The following ZFP64 variants were observed in gnomAD, a reference collection of about 807,000 sequenced individuals.
The protein encoded by ZFP64 is zinc finger protein 64.
Under a neutral mutation model 51.6 loss-of-function variants are expected in ZFP64, and 14 were observed. The observed-to-expected ratio is 0.27, with a 90% CI of 0.18 to 0.42. The LOEUF (loss-of-function observed/expected upper bound fraction) is 0.42. Among genes scored for constraint, ZFP64 ranks in the 10% least tolerant of loss-of-function variants. The pLI is 1.00. For missense variants in ZFP64, 754 were observed against 906.8 expected, an observed-to-expected ratio of 0.83 and a Z score of 2.16; for synonymous variants, 375 against 361.4, an observed-to-expected ratio of 1.04 and a Z score of -0.43.
chr20:52,135,097 C>A (rs1455157178), intron 5 of ZFP64, among the ~76,000 whole-genome samples: 1 of 152,044 alleles, frequency 6.6e-6, no homozygotes, highest in East Asian at 1.9e-4. Flanking sequence ...CTCCTGACCT[C>A]AAGTGATCTG....
chr20:52,102,834 A>G (rs576598363), intron 5 of ZFP64, among the ~76,000 whole-genome samples: 2 of 152,304 alleles, frequency 1.3e-5, no homozygotes, highest in South Asian at 4.1e-4. Flanking sequence ...GTTCTTTAGT[A>G]TATGTAAGAG....
chr20:52,150,040 C>T (rs1441349486), downstream of ZFP64, among the ~76,000 whole-genome samples: 1 of 151,972 alleles, frequency 6.6e-6, no homozygotes, highest in Non-Finnish European at 1.5e-5. Context: ...CCTGTCTCTA[C>T]TAAAAATACA....
intron 1 of ZFP64, among the ~76,000 whole-genome samples, chr20:52,190,215 A>G (rs953169536): frequency 6.6e-6 from 1 of 152,214 alleles, no homozygotes; most frequent in Non-Finnish European, 1.5e-5. Flanking sequence ...CCATGGAACT[A>G]ACAAGGAAAC....
chr20:52,129,389 G>A (rs1156600844), intron 5 of ZFP64, among the ~76,000 whole-genome samples: 1 of 151,690 alleles, frequency 6.6e-6, no homozygotes. Flanking sequence ...TAACTCCTGA[G>A]CTCAGGCAGT....
chr20:52,171,823 T>C (rs546786939), intron 2 of ZFP64, among the ~76,000 whole-genome samples: 74 of 151,574 alleles, frequency 4.9e-4, no homozygotes, highest in African/African-American at 1.7e-3. Flanking sequence ...TCTCGGCTCA[T>C]TGCAATCTCT....
At chr20:52,099,251 G>A (rs1324271833) in intron 5 of ZFP64, among the ~76,000 whole-genome samples, 1 of 152,060 alleles carries the variant, frequency 6.6e-6, no homozygotes, top group African/African-American at 2.4e-5. Context: ...TAGGGGAGAG[G>A]TGGAATAAGA....
At chr20:52,097,539 C>T (rs989296450) in intron 6 of ZFP64, 17 of 1,048,542 alleles carry the variant, frequency 1.6e-5, no homozygotes, top group Non-Finnish European at 2.4e-5. Context: ...ACTGCAACCT[C>T]CGCCTCCCGG....
At chr20:52,164,869 T>C (rs1450931258) in intron 3 of ZFP64, 112 bp from the exon 4 acceptor site, 2 of 848,270 alleles carry the variant, frequency 2.4e-6, no homozygotes, top group East Asian at 2.6e-5. Flanking sequence ...ACCACGGTAA[T>C]GGGAAAAAGA....
intron 2 of ZFP64, among the ~76,000 whole-genome samples, chr20:52,177,122 TG>T (rs978609438): frequency 6.6e-6 from 1 of 150,764 alleles, no homozygotes; most frequent in Non-Finnish European, 1.5e-5. Context: ...CTAGTGCCAG[TG>T]GGTTTCCATC....
intron 5 of ZFP64, among the ~76,000 whole-genome samples, chr20:52,126,506 T>C (rs1979452695): frequency 6.6e-6 from 1 of 152,236 alleles, no homozygotes; most frequent in African/African-American, 2.4e-5. Context: ...TGGGTGCGTC[T>C]ATGCTTTCTA....
At chr20:52,093,756 T>C (rs748640915) in intron 7 of ZFP64, among the ~76,000 whole-genome samples, 6 of 152,186 alleles carry the variant, frequency 3.9e-5, no homozygotes, top group Non-Finnish European at 8.8e-5. Flanking sequence ...CTACTGTGCA[T>C]ATTAACCACC....
Position 52,152,687 on chromosome 20 carries a change from C to A in ZFP64, c.1505G>T (p.Gly502Val). 6.5e-7 allele frequency: 1 copy of A among 1,547,528 alleles called. No homozygotes were observed. The change falls in exon 6 of 6, where the codon GGG (glycine) becomes GTG (valine). Residue 502 changes from glycine to valine, a missense_variant. Physicochemically the swap from Gly to Val is moderately radical, Grantham distance 109. Around this residue, in one of 3 missense-constraint regions of ZFP64, gnomAD observed 428 missense variants for 472.4 expected, o/e 0.91. Coordinates refer to ENST00000216923, the MANE Select transcript of ZFP64 (RefSeq NM_018197.3). ...FSEGRVKIIVGHQVPQANTIV... is the reference protein window; with the variant it reads ...FSEGRVKIIVVHQVPQANTIV... ...GGTGTTCGCCTGGGGCACCTGATGC[C>A]CAACGATGATTTTGACTCTTCCCTC...
chr20:52,088,746 C>T, intron 7 of ZFP64: 2 of 1,447,504 alleles, frequency 1.4e-6, no homozygotes, highest in Non-Finnish European at 9.5e-7. Flanking sequence ...CCGCCTCCTC[C>T]TGTCCAAATA....
intron 5 of ZFP64, among the ~76,000 whole-genome samples, chr20:52,140,326 C>A (rs1166072592): frequency 6.6e-6 from 1 of 152,158 alleles, no homozygotes; most frequent in East Asian, 1.9e-4. Flanking sequence ...TGTTGAAAGC[C>A]AAGACAGGCT....
At chr20:52,154,135 C>A (rs1469095827) in intron 5 of ZFP64, among the ~76,000 whole-genome samples, 1 of 152,138 alleles carries the variant, frequency 6.6e-6, no homozygotes, top group Non-Finnish European at 1.5e-5. Flanking sequence ...TCAATGAATG[C>A]CAAGTCCAAA....
At position 52,160,591 on chromosome 20, in the gene ZFP64, G is replaced by A. The variant is rs1254924365; in HGVS notation, c.512-217C>T. On this transcript the variant is annotated intron_variant, in intron 4 of 5. Coordinates refer to ENST00000216923, the MANE Select transcript of ZFP64 (RefSeq NM_018197.3). The surrounding 1 kb of genome is among the most constrained non-coding windows in gnomAD (Gnocchi z 4.2). ...TTGGTATTACTTGAATTTTTAAAAT[G>A]ATGAATATGAATTTCTTATAAATTT... Among the ~76,000 whole-genome samples the A allele has an allele frequency of 1.6e-4, 24 of 152,078 alleles. No individual in the cohort carries two copies.
chr20:52,110,590 G>A, intron 5 of ZFP64: 1 of 727,596 alleles, frequency 1.4e-6, no homozygotes, highest in Non-Finnish European at 2.4e-6. Flanking sequence ...CTTCCAGAGG[G>A]CCTAGCGGGC....
At chr20:52,111,137 C>T in intron 5 of ZFP64, 3 of 726,674 alleles carry the variant, frequency 4.1e-6, no homozygotes, top group Admixed American at 2.1e-5. Flanking sequence ...GCCACATCGC[C>T]GGGTTCCGCG....
chr20:52,170,216 C>T (rs146249706), intron 2 of ZFP64, among the ~76,000 whole-genome samples: 1 of 152,088 alleles, frequency 6.6e-6, no homozygotes, highest in African/African-American at 2.4e-5. Flanking sequence ...CTTTGGGAGC[C>T]TGAGGTGGGC....
Sources: gnomAD v4.1 joint callset for allele counts (sites outside exome capture counted in the v4.1 genomes callset) on GRCh38, gnomAD v4.1.1 for gene constraint, gnomAD v4.1.1 regional missense constraint, Gnocchi (gnomAD v3.1) non-coding constraint, MANE v1.5 for transcripts, NCBI Gene and HGNC (gene_info 2026-07-23, HGNC 2026-07-21) for gene names.